Variants in SLC44A3 observed in about 807,000 individuals in gnomAD.
SLC44A3 encodes choline transporter-like protein 3.
A neutral mutation model predicts 75.4 loss-of-function variants in SLC44A3; 74 were observed. The observed-to-expected ratio is 0.98, with a 90% CI of 0.81 to 1.19. The LOEUF is 1.19. Among genes scored for constraint, SLC44A3 ranks in the 50% most tolerant of loss-of-function variants. The pLI is 0.00. For missense variants in SLC44A3, 700 were observed against 778.6 expected (o/e 0.90, Z 1.20); for synonymous variants, 310 against 296.9 (o/e 1.04, Z -0.45).
chr1:94,885,224 C>CAAAAAAAAAAAAAAAA (rs60440950), intron 12 of SLC44A3, among the ~76,000 whole-genome samples: 5 of 82,850 alleles, frequency 6.0e-5, no homozygotes, highest in South Asian at 7.0e-4. Context: ...GACTCCCTCT[C>CAAAAAAAAAAAAAAAA]AAAAAAAAAA....
intron 12 of SLC44A3, chr1:94,889,422 A>AT (rs1222158088): frequency 6.6e-6 from 1 of 152,152 alleles, no homozygotes; most frequent in African/African-American, 2.4e-5. Context: ...TGCAAGTAGC[A>AT]TTTTTAAAGA....
At chr1:94,876,893 G>C (rs1003805254) in intron 12 of SLC44A3, among the ~76,000 whole-genome samples, 1 of 152,122 alleles carries the variant, frequency 6.6e-6, no homozygotes, top group South Asian at 2.1e-4. Flanking sequence ...AACAGATATA[G>C]GTTGCCCTTG....
At chr1:94,842,228 A>G in intron 8 of SLC44A3, 104 bp downstream of exon 8, 1 of 1,450,384 alleles carries the variant, frequency 6.9e-7, no homozygotes, top group South Asian at 1.4e-5. Context: ...TTTTCTTTTG[A>G]TTTAGAATGT....
rs1031026329 is a variant in SLC44A3 at position 94,895,030 on chromosome 1, C to T, written c.*108C>T. 3 of 708,180 alleles carry T rather than the reference C, an allele frequency of 4.2e-6. No individual in the cohort carries two copies. The highest frequency in any genetic ancestry group is 3.6e-5 in the African/African-American group (2 of 55,694). The allele number at this position is 708,180 out of a possible 1,614,324, so 43.9% of individuals were successfully genotyped here. ...AGTTAGTGAATTTTTTTTTAAAAGACCTAATAAACCCTATTCTTCCTCATT... is the reference window on the plus strand; with the variant it reads ...AGTTAGTGAATTTTTTTTTAAAAGATCTAATAAACCCTATTCTTCCTCATT... On this transcript the variant is annotated 3_prime_UTR_variant, in exon 15 of 15. Transcript: ENST00000271227.
At chr1:94,847,373 G>A (rs1230929388) in intron 9 of SLC44A3, among the ~76,000 whole-genome samples, 2 of 152,186 alleles carry the variant, frequency 1.3e-5, no homozygotes, top group Non-Finnish European at 2.9e-5. Context: ...TGGCAGGGAG[G>A]AAAGCGAGCA....
intron 12 of SLC44A3, among the ~76,000 whole-genome samples, chr1:94,888,467 A>G (rs1386925140): frequency 2.0e-5 from 3 of 152,144 alleles, no homozygotes; most frequent in Admixed American, 6.5e-5. Flanking sequence ...AAAACCCAAG[A>G]TGATTGAAGA....
intron 12 of SLC44A3, among the ~76,000 whole-genome samples, chr1:94,876,457 G>A (rs1668295937): frequency 6.6e-6 from 1 of 152,202 alleles, no homozygotes. Context: ...CTGTAGGCAC[G>A]TTCCTCGGCT....
chr1:94,823,998 T>G (rs1004885419), intron 2 of SLC44A3, among the ~76,000 whole-genome samples: 1 of 152,172 alleles, frequency 6.6e-6, no homozygotes, highest in South Asian at 2.1e-4. Flanking sequence ...AAAACACTAT[T>G]TGCAGATTGG....
chr1:94,881,731 C>T (rs1368758598), intron 12 of SLC44A3, among the ~76,000 whole-genome samples: 5 of 150,066 alleles, frequency 3.3e-5, no homozygotes, highest in South Asian at 2.1e-4. Context: ...AATATTCTGC[C>T]GGGCACGTTG....
intron 9 of SLC44A3, among the ~76,000 whole-genome samples, chr1:94,849,350 C>A (rs1664889543): frequency 6.6e-6 from 1 of 152,154 alleles, no homozygotes; most frequent in Non-Finnish European, 1.5e-5. Flanking sequence ...AGCCACCACC[C>A]CCCTTCCCCA....
chr1:94,894,886 T>C lies in SLC44A3; in HGVS notation c.1926T>C (p.Asn642=). The C allele has an allele frequency of 1.9e-6, 3 of 1,612,204 alleles. No individual in the cohort carries two copies. In the South Asian group the frequency reaches 3.3e-5, roughly 18 times the overall value. Residue 642 remains asparagine (N), a synonymous_variant, in exon 15 of 15, where the codon AAT becomes AAC. Coordinates refer to ENST00000271227, the MANE Select transcript of SLC44A3 (RefSeq NM_001114106.3). The stretch of plus-strand genomic sequence containing the variant: ...AGCAGGACAAGCACTCATTAAGGAA[T>C]GAGGAGGGAACAGAACTCCAGGCCA... ...RAQQDKHSLR[N]EEGTELQAIV... is the part of the protein sequence containing the mutation.
At position 94,820,458 on chromosome 1, in the gene SLC44A3, T is replaced by C; in HGVS notation, c.7T>C (p.Cys3Arg). ...CCCCGCCGGCGAGCGCACGATGCAC[T>C]GCCTGGGCGCCGAGTACCTGGTAAG... is the stretch of plus-strand genomic sequence containing the variant. MH[C>R]LGAEYLVSAE... The change falls in exon 1 of 15, where the codon TGC (cysteine) becomes CGC (arginine). Residue 3 changes from cysteine (C) to arginine (R), a missense_variant. Cys to Arg is a radical substitution (Grantham distance 180, BLOSUM62 -3). Transcript: ENST00000271227. The C allele has an allele frequency of 4.7e-6, 7 of 1,487,824 alleles. No homozygotes were observed. The highest frequency in any genetic ancestry group is 6.2e-6 in the Non-Finnish European group (7 of 1,122,806). 92.2% of individuals were successfully genotyped at this position (1,487,824 alleles called of 1,614,324 possible). A position where few individuals can be genotyped will look rare whatever the true frequency, so the allele number is the denominator to read the frequency against.
chr1:94,875,391 C>T (rs983667021), intron 12 of SLC44A3, among the ~76,000 whole-genome samples: 6 of 152,196 alleles, frequency 3.9e-5, no homozygotes, highest in African/African-American at 1.4e-4. Context: ...CATGAAACAG[C>T]CTCCCCTCAT....
At chr1:94,839,907 T>G in intron 6 of SLC44A3, 41 bp from the exon 7 acceptor site, 1 of 1,425,406 alleles carries the variant, frequency 7.0e-7, no homozygotes, top group Non-Finnish European at 9.9e-7. Flanking sequence ...CCCCTATCCT[T>G]TGTTGCTATT....
At chr1:94,869,633 A>G (rs947365621) in intron 12 of SLC44A3, among the ~76,000 whole-genome samples, 8 of 152,048 alleles carry the variant, frequency 5.3e-5, no homozygotes, top group Admixed American at 3.9e-4. Flanking sequence ...CCTCTGGTCT[A>G]CATTGACTAC....
chr1:94,839,079 G>A (rs1663203785), intron 6 of SLC44A3: 1 of 152,226 alleles, frequency 6.6e-6, no homozygotes, highest in African/African-American at 2.4e-5. Context: ...CTCAAACCCA[G>A]ATCTGTGTGG....
intron 10 of SLC44A3, among the ~76,000 whole-genome samples, chr1:94,858,655 G>C (rs1238801156): frequency 6.6e-6 from 1 of 150,708 alleles, no homozygotes; most frequent in Admixed American, 6.6e-5. Context: ...TCCTCCTGAT[G>C]ATAAGGAGCA....
intron 9 of SLC44A3, among the ~76,000 whole-genome samples, chr1:94,851,585 G>A (rs1665221083): frequency 6.6e-6 from 1 of 152,182 alleles, no homozygotes; most frequent in Non-Finnish European, 1.5e-5. Flanking sequence ...GCTGACCCAG[G>A]GAATAACATC....
intron 12 of SLC44A3, among the ~76,000 whole-genome samples, chr1:94,877,138 G>C (rs1668377806): frequency 6.6e-6 from 1 of 151,454 alleles, no homozygotes; most frequent in South Asian, 2.1e-4. Context: ...TTAAAAAAAA[G>C]GTCGGGGGCA....
Sources: gnomAD v4.1 joint callset for allele counts (sites outside exome capture counted in the v4.1 genomes callset) on GRCh38, gnomAD v4.1.1 for gene constraint, MANE v1.5 for transcripts, NCBI Gene and HGNC (gene_info 2026-07-23, HGNC 2026-07-21) for gene names.